Variants in AHR observed in about 807,000 individuals in gnomAD.
AHR encodes the protein AH-receptor.
Under a neutral mutation model 86.8 loss-of-function variants are expected in AHR, and 40 were observed. The ratio of observed to expected loss-of-function variants is 0.46; its 90% confidence interval spans 0.36 to 0.60. AHR has a LOEUF of 0.60. Ranked by LOEUF, AHR falls within the 20% of genes least tolerant of loss-of-function variation. AHR has a pLI of 0.00. For synonymous variants in AHR, 398 were observed against 354.9 expected, an observed-to-expected ratio of 1.12 and a Z score of -1.37; for missense variants, 1,001 against 1,011.6, an observed-to-expected ratio of 0.99 and a Z score of 0.14.
chr7:17,313,201 C>G (rs1782083429), intron 2 of AHR, among the ~76,000 whole-genome samples: 1 of 151,822 alleles, frequency 6.6e-6, no homozygotes, highest in Non-Finnish European at 1.5e-5. Flanking sequence ...CATTTCAGAG[C>G]ACACAGAGAA....
intron 9 of AHR, among the ~76,000 whole-genome samples, chr7:17,336,862 A>AT (rs1481575506): frequency 2.0e-5 from 3 of 151,178 alleles, no homozygotes; most frequent in Non-Finnish European, 3.0e-5. Context: ...TGGTTTATTG[A>AT]TTTTTTTCTA....
In AHR at chr7:17,343,602, A is replaced by T. The variant is rs1782449541; in HGVS notation, c.*538A>T. On this transcript the variant is annotated 3_prime_UTR_variant, in exon 11 of 11. Coordinates refer to ENST00000242057, the MANE Select transcript of AHR (RefSeq NM_001621.5). ...CAGTGCTTTCCTCCTTCACTGTTTC[A>T]TCTAAGTGCCTCACATTTTTTTCTA... 6.5e-6 allele frequency: 1 copy of T among 153,536 alleles called. No individual in the cohort carries two copies. The highest frequency in any genetic ancestry group is 2.4e-5 in the African/African-American group (1 of 41,436). 9.5% of individuals were successfully genotyped at this position (153,536 alleles called of 1,614,324 possible).
At chr7:17,340,511 G>A (rs1782409391) in intron 10 of AHR, among the ~76,000 whole-genome samples, 1 of 152,016 alleles carries the variant, frequency 6.6e-6, no homozygotes, top group South Asian at 2.1e-4. Context: ...ATTACCAGGT[G>A]AAATTAGTTT....
chr7:17,339,758 A>G lies in AHR; in HGVS notation c.1933A>G (p.Met645Val). The change falls in exon 10 of 11, where the codon ATG becomes GTG. Residue 645 changes from methionine (M) to valine (V), a missense_variant. Around this residue, in one of 2 missense-constraint regions of AHR, gnomAD observed 607 missense variants for 543.1 expected, o/e 1.12. Coordinates refer to ENST00000242057, the MANE Select transcript of AHR (RefSeq NM_001621.5). ...ACAGCTGTGTCAGAAGATGAAGCAC[A>G]TGCAAGTTAATGGCATGTTTGAAAA... ...QQQLCQKMKH[M>V]QVNGMFENWN... The G allele has an allele frequency of 1.9e-6, 3 of 1,614,218 alleles. No homozygotes were observed. The highest frequency in any genetic ancestry group is 2.5e-6 in the Non-Finnish European group (3 of 1,180,044).
At chr7:17,326,358 A>G (rs1782230091) in intron 3 of AHR, among the ~76,000 whole-genome samples, 1 of 152,216 alleles carries the variant, frequency 6.6e-6, no homozygotes, top group Admixed American at 6.6e-5. Flanking sequence ...ATTTCATCTG[A>G]TAATGAAGAT....
chr7:17,311,956 A>G (rs1056147253), intron 2 of AHR, among the ~76,000 whole-genome samples: 5 of 152,208 alleles, frequency 3.3e-5, no homozygotes, highest in African/African-American at 1.2e-4. Flanking sequence ...AAAGTGTAGT[A>G]TCCAGACAGG....
chr7:17,318,787 A>C (rs1782141146), intron 2 of AHR, among the ~76,000 whole-genome samples: 1 of 152,188 alleles, frequency 6.6e-6, no homozygotes, highest in South Asian at 2.1e-4. Context: ...CAATGCATTA[A>C]TAACATGAAC....
chr7:17,307,663 A>C (rs1782019239), intron 1 of AHR, among the ~76,000 whole-genome samples: 1 of 152,190 alleles, frequency 6.6e-6, no homozygotes, highest in Non-Finnish European at 1.5e-5. Context: ...GAGCTACTGA[A>C]GGAGTTTAAT....
In AHR at chr7:17,298,986, C is replaced by A; in HGVS notation, c.-279C>A. The A allele has an allele frequency of 2.2e-6, 1 of 458,032 alleles. No individual in the cohort carries two copies. The highest frequency in any genetic ancestry group is 3.8e-6 in the Non-Finnish European group (1 of 264,282). The allele number at this position is 458,032 out of a possible 1,614,324, so 28.4% of individuals were successfully genotyped here. ...GCCGCGCCGCCTCCGCCGGTGTAGACGGCACCTGCGCCGCCTTGCTCGCGG... is the reference window on the plus strand; with the variant it reads ...GCCGCGCCGCCTCCGCCGGTGTAGAAGGCACCTGCGCCGCCTTGCTCGCGG... On this transcript the variant is annotated 5_prime_UTR_variant, in exon 1 of 11. Transcript: ENST00000242057.
At chr7:17,310,240 G>A in intron 2 of AHR, 117 bp downstream of exon 2, 2 of 1,009,686 alleles carry the variant, frequency 2.0e-6, no homozygotes, top group Non-Finnish European at 2.7e-6. Flanking sequence ...ATTTATTGCT[G>A]TATAGTAAAA....
chr7:17,299,601 T>C (rs1781933920), intron 1 of AHR, among the ~76,000 whole-genome samples: 1 of 152,258 alleles, frequency 6.6e-6, no homozygotes. Flanking sequence ...AACTTTGTTC[T>C]TTCTGATTTG....
Position 17,340,101 on chromosome 7 carries a change from T to A in AHR, c.2276T>A (p.Ile759Lys), listed in dbSNP as rs1379354274. 6.2e-7 allele frequency: 1 copy of A among 1,614,090 alleles called. No homozygotes were observed. The highest frequency in any genetic ancestry group is 1.3e-5 in the African/African-American group (1 of 74,944). ...KHGLNPQSAIITPQTCYAGAV... is the reference protein window; with the variant it reads ...KHGLNPQSAIKTPQTCYAGAV... ...GGATTAAATCCACAGTCAGCCATAA[T>A]AACTCCTCAGACATGTTATGCTGGG... is the stretch of plus-strand genomic sequence containing the variant. Residue 759 changes from isoleucine to lysine, a missense_variant, in exon 10 of 11, where the codon ATA (isoleucine) becomes AAA (lysine). Around this residue, in one of 2 missense-constraint regions of AHR, gnomAD observed 607 missense variants for 543.1 expected, o/e 1.12. Coordinates refer to ENST00000242057, the MANE Select transcript of AHR (RefSeq NM_001621.5).
intron 2 of AHR, among the ~76,000 whole-genome samples, chr7:17,317,116 G>GTTTTTT (rs66779121): frequency 4.9e-5 from 6 of 123,676 alleles, no homozygotes; most frequent in Admixed American, 8.6e-5. Context: ...GGAGAATTTT[G>GTTTTTT]TTTTTTTTTT....
intron 1 of AHR, among the ~76,000 whole-genome samples, chr7:17,309,465 G>A (rs1379135733): frequency 6.6e-6 from 1 of 152,172 alleles, no homozygotes; most frequent in East Asian, 1.9e-4. Context: ...GAAAGCTGGT[G>A]ATATGAAGAT....
At position 17,345,672 on chromosome 7, in the gene AHR, C is replaced by T. The variant is rs1782475535; in HGVS notation, c.*2608C>T. Reference sequence around the variant, plus strand: ...ATGAATATGATGACAATCAGTTATACAGTTATAAAATTAAAAGTTTGAAAA... The same window carrying T: ...ATGAATATGATGACAATCAGTTATATAGTTATAAAATTAAAAGTTTGAAAA... On this transcript the variant is annotated 3_prime_UTR_variant, in exon 11 of 11. Transcript: ENST00000242057. The T allele has an allele frequency of 6.6e-6, 1 of 152,504 alleles. No individual in the cohort carries two copies. The highest frequency in any genetic ancestry group is 2.1e-4 in the South Asian group (1 of 4,828). 9.4% of individuals were successfully genotyped at this position (152,504 alleles called of 1,614,324 possible). A position where few individuals can be genotyped will look rare whatever the true frequency, so the allele number is the denominator to read the frequency against.
In AHR at chr7:17,309,788, A is replaced by G. The variant is rs1048982440; in HGVS notation, c.66-148A>G. 3 of 629,006 alleles carry G rather than the reference A, an allele frequency of 4.8e-6. No individual in the cohort carries two copies. In the African/African-American group the frequency reaches 5.4e-5, roughly 11 times the overall value. 39.0% of individuals were successfully genotyped at this position (629,006 alleles called of 1,614,324 possible). A position where few individuals can be genotyped will look rare whatever the true frequency, so the allele number is the denominator to read the frequency against. ...CCTGTTTTTCTTAAGATGTGAAAGGAAGATTTTAGAAAGACTTACGTAAAC... is the reference window on the plus strand; with the variant it reads ...CCTGTTTTTCTTAAGATGTGAAAGGGAGATTTTAGAAAGACTTACGTAAAC... On this transcript the variant is annotated intron_variant, in intron 1 of 10. Transcript: ENST00000242057.
rs892216389 is a variant in AHR at position 17,322,370 on chromosome 7, T to C, written c.254-131T>C. 4.7e-6 allele frequency: 3 copies of C among 634,852 alleles called. No individual in the cohort carries two copies. In the African/African-American group the frequency reaches 5.5e-5, roughly 12 times the overall value. The allele number at this position is 634,852 out of a possible 1,614,324, so 39.3% of individuals were successfully genotyped here. A position where few individuals can be genotyped will look rare whatever the true frequency, so the allele number is the denominator to read the frequency against. On this transcript the variant is annotated intron_variant, in intron 2 of 10. Transcript: ENST00000242057. ...CTAGTATTTATTATTTACCTTGTTT[T>C]AGCCAAATACTAAAAATACCAGTGG...
chr7:17,332,339 G>C (rs998848757), intron 6 of AHR, among the ~76,000 whole-genome samples: 1 of 151,362 alleles, frequency 6.6e-6, no homozygotes, highest in African/African-American at 2.4e-5. Flanking sequence ...TTTAGAATAA[G>C]GTTAACTGTA....
At position 17,299,210 on chromosome 7, in the gene AHR, CCGG is replaced by C; in HGVS notation, c.-54_-52del. On this transcript the variant is annotated 5_prime_UTR_variant, in exon 1 of 11. Transcript: ENST00000242057. ...CAGTGGTCCCAGCCTACACCGGGTT[CCGG>C]GGACCCGGCCGCCAGTGCCCGGGGA... The C allele has an allele frequency of 2.5e-6, 4 of 1,586,770 alleles. No homozygotes were observed. The highest frequency in any genetic ancestry group is 3.4e-6 in the Non-Finnish European group (4 of 1,169,244).
Sources: allele counts gnomAD v4.1 joint callset (sites outside exome capture counted in the v4.1 genomes callset), GRCh38; gene constraint gnomAD v4.1.1; regional missense constraint gnomAD v4.1.1; transcripts MANE v1.5; gene names NCBI Gene and HGNC (gene_info 2026-07-23, HGNC 2026-07-21).